SIPA1L1: variants seen among roughly 807,000 people sequenced by gnomAD.
SIPA1L1 encodes the protein signal-induced proliferation-associated 1-like protein 1.
Under a neutral mutation model 162.7 loss-of-function variants are expected in SIPA1L1, and 26 were observed. That is an observed-to-expected ratio of 0.16 (90% CI 0.12 to 0.22). The LOEUF is 0.22. Among genes scored for constraint, SIPA1L1 ranks in the 10% least tolerant of loss-of-function variants. The pLI, the probability that SIPA1L1 is intolerant of heterozygous loss-of-function variation, is 1.00. For synonymous variants in SIPA1L1, 829 were observed against 837.4 expected, an observed-to-expected ratio of 0.99 and a Z score of 0.17; for missense variants, 1,874 against 2,241.0, an observed-to-expected ratio of 0.84 and a Z score of 3.31.
In SIPA1L1 at chr14:71,672,507, A is replaced by T; in HGVS notation, c.2989A>T (p.Ile997Phe). 1 of 1,614,048 alleles carries T rather than the reference A, an allele frequency of 6.2e-7. No individual in the cohort carries two copies. Among genetic ancestry groups the T allele is most frequent in the Non-Finnish European group, 8.5e-7 (1 of 1,180,008 alleles). ...GAGGCAGGGCAGTCGCCTGGTGGAG[A>T]TCTGCAAGGTGGCGGTAGCCACTCT... ...GLRQGSRLVE[I>F]CKVAVATLSH... The change falls in exon 12 of 24, where the codon ATC (isoleucine) becomes TTC (phenylalanine). Residue 997 changes from isoleucine to phenylalanine, a missense_variant. Transcript: ENST00000381232.
chr14:71,452,418 A>G (rs1345998828), intron 2 of SIPA1L1, among the ~76,000 whole-genome samples: 2 of 152,156 alleles, frequency 1.3e-5, no homozygotes, highest in East Asian at 3.8e-4. Flanking sequence ...CACTTTATTT[A>G]CTACTGAACA....
intron 2 of SIPA1L1, among the ~76,000 whole-genome samples, chr14:71,372,477 G>T (rs187433615): frequency 1.2e-4 from 18 of 152,012 alleles, no homozygotes; most frequent in Non-Finnish European, 2.2e-4. Flanking sequence ...TTTACAATTC[G>T]CTATTTCTGT....
intron 2 of SIPA1L1, among the ~76,000 whole-genome samples, chr14:71,445,269 G>A (rs992510784): frequency 6.6e-6 from 1 of 152,148 alleles, no homozygotes; most frequent in Non-Finnish European, 1.5e-5. Flanking sequence ...GATATGTAGA[G>A]AACTCTCAAT....
intron 2 of SIPA1L1, among the ~76,000 whole-genome samples, chr14:71,446,889 GC>G (rs1177194663): frequency 8.2e-6 from 1 of 121,376 alleles, no homozygotes; most frequent in African/African-American, 3.6e-5. Flanking sequence ...AGAGAGATGG[GC>G]TCTGTTTTTT....
At chr14:71,457,471 G>T (rs1305462612) in intron 2 of SIPA1L1, among the ~76,000 whole-genome samples, 1 of 151,148 alleles carries the variant, frequency 6.6e-6, no homozygotes, top group African/African-American at 2.4e-5. Context: ...GCTAATTTTT[G>T]TATTTTCAGT....
At chr14:71,500,813 C>A (rs1357223075) in intron 2 of SIPA1L1, among the ~76,000 whole-genome samples, 1 of 151,990 alleles carries the variant, frequency 6.6e-6, no homozygotes, top group African/African-American at 2.4e-5. Flanking sequence ...TTGACACCAG[C>A]CTGACCAACA....
intron 2 of SIPA1L1, among the ~76,000 whole-genome samples, chr14:71,473,914 A>T (rs1336680804): frequency 6.6e-6 from 1 of 152,214 alleles, no homozygotes; most frequent in Non-Finnish European, 1.5e-5. Context: ...TTAATATTTG[A>T]TTGAAACTGG....
rs1210769170 is a variant in SIPA1L1 at position 71,588,907 on chromosome 14, G to A, written c.1035G>A (p.Glu345=). The A allele has an allele frequency of 6.2e-7, 1 of 1,613,932 alleles. No individual in the cohort carries two copies. Among genetic ancestry groups the A allele is most frequent in the African/African-American group, 1.3e-5 (1 of 74,908 alleles). The change falls in exon 5 of 24, where the codon GAG becomes GAA. Residue 345 remains glutamate, a synonymous_variant. Coordinates refer to ENST00000381232, the MANE Select transcript of SIPA1L1 (RefSeq NM_001386936.1). The surrounding 1 kb of genome is among the most constrained non-coding windows in gnomAD (Gnocchi z 4.3). ...DVQSILFDLN[E]AIMNRHNVIK... is the part of the protein sequence containing the mutation. ...AGAGTATATTATTTGATTTGAATGA[G>A]GCAATTATGAACAGGCACAATGTTA...
In SIPA1L1 at chr14:71,738,907, G is replaced by A. The variant is rs954143579; in HGVS notation, c.5209-111G>A. 1.3e-5 allele frequency: 17 copies of A among 1,301,158 alleles called. No individual in the cohort carries two copies. In the African/African-American group the frequency reaches 1.5e-4, roughly 11 times the overall value. 80.6% of individuals were successfully genotyped at this position (1,301,158 alleles called of 1,614,324 possible). On this transcript the variant is annotated intron_variant, in intron 23 of 23. Transcript: ENST00000381232. ...CGTTTAGACAGGTGTTTGGAGGAAC[G>A]AAGAATAGAAATGGACAAAAGATCA... is the stretch of plus-strand genomic sequence containing the variant.
chr14:71,613,634 C>T (rs1176419196), intron 5 of SIPA1L1, among the ~76,000 whole-genome samples: 1 of 152,160 alleles, frequency 6.6e-6, no homozygotes, highest in Non-Finnish European at 1.5e-5. Flanking sequence ...GTCTTCCTTG[C>T]CTTTCTTTGA....
intron 13 of SIPA1L1, among the ~76,000 whole-genome samples, chr14:71,691,635 C>G (rs1454592984): frequency 6.6e-6 from 1 of 152,026 alleles, no homozygotes; most frequent in African/African-American, 2.4e-5. Flanking sequence ...TCCCTTTTCC[C>G]CTATCATCGT....
intron 2 of SIPA1L1, among the ~76,000 whole-genome samples, chr14:71,354,192 A>G (rs1024189554): frequency 3.3e-5 from 5 of 152,096 alleles, no homozygotes; most frequent in East Asian, 3.9e-4. Context: ...TAATCTTGCA[A>G]TAAGATTGCG....
intron 12 of SIPA1L1, among the ~76,000 whole-genome samples, chr14:71,683,409 A>G (rs1456504468): frequency 6.6e-6 from 1 of 152,248 alleles, no homozygotes; most frequent in African/African-American, 2.4e-5. Context: ...AAGATAGTCC[A>G]GATTTTGAGC....
chr14:71,583,043 C>G (rs1237763162), intron 4 of SIPA1L1, among the ~76,000 whole-genome samples: 1 of 152,184 alleles, frequency 6.6e-6, no homozygotes, highest in Non-Finnish European at 1.5e-5. Flanking sequence ...ATCTAATATT[C>G]AAGTACTGTG....
intron 5 of SIPA1L1, among the ~76,000 whole-genome samples, chr14:71,594,537 A>G (rs960222227): frequency 1.3e-5 from 2 of 152,158 alleles, no homozygotes; most frequent in African/African-American, 2.4e-5. Context: ...TTCTACTTCT[A>G]GTTTTTTGAT....
intron 7 of SIPA1L1, among the ~76,000 whole-genome samples, chr14:71,641,710 G>A (rs60065332): frequency 0.13 from 19,183 of 152,182 alleles, 1,285 homozygotes; most frequent in East Asian, 0.27. Context: ...GTGATAGAGC[G>A]AGACTCCGTC....
At chr14:71,682,310 C>A (rs927072988) in intron 12 of SIPA1L1, among the ~76,000 whole-genome samples, 23 of 152,134 alleles carry the variant, frequency 1.5e-4, no homozygotes, top group African/African-American at 5.3e-4. Context: ...AATAAAAATC[C>A]TTTTATGAAA....
In SIPA1L1 at chr14:71,738,226, GTTTC is replaced by G. The variant is rs1257056386; in HGVS notation, c.5124-12_5124-9del. The G allele has an allele frequency of 4.5e-6, 6 of 1,327,764 alleles. No homozygotes were observed. In the Middle Eastern group the frequency reaches 6.5e-4, roughly 143 times the overall value. 82.2% of individuals were successfully genotyped at this position (1,327,764 alleles called of 1,614,324 possible). On this transcript the variant is annotated splice_polypyrimidine_tract_variant and intron_variant, in intron 22 of 23. Transcript: ENST00000381232. ...GAGGCCCCTGCCAACATGGTCTTTTGTTTCTTGTTCCCAGCAGTAAAGACTCCTC... is the reference window on the plus strand; with the variant it reads ...GAGGCCCCTGCCAACATGGTCTTTTGTTGTTCCCAGCAGTAAAGACTCCTC...
chr14:71,392,465 A>G (rs998709533), intron 2 of SIPA1L1, among the ~76,000 whole-genome samples: 2 of 152,170 alleles, frequency 1.3e-5, no homozygotes, highest in Non-Finnish European at 2.9e-5. Flanking sequence ...AAAAGTTAAC[A>G]TCTGTAGAGT....
Sources: gnomAD v4.1 joint callset for allele counts (sites outside exome capture counted in the v4.1 genomes callset) on GRCh38, gnomAD v4.1.1 for gene constraint, Gnocchi (gnomAD v3.1) non-coding constraint, MANE v1.5 for transcripts, NCBI Gene and HGNC (gene_info 2026-07-23, HGNC 2026-07-21) for gene names.